Variants in ASB15 observed in about 807,000 individuals in gnomAD.
The protein encoded by ASB15 is ankyrin repeat and SOCS box protein 15.
ASB15 carries 54 observed loss-of-function variants against 58.0 expected under a neutral mutation model. The ratio of observed to expected loss-of-function variants is 0.93; its 90% CI spans 0.75 to 1.17. ASB15 has a LOEUF of 1.17. Ranked by LOEUF, ASB15 falls within the 50% of genes most tolerant of loss-of-function variation. The pLI is 0.00. For missense variants in ASB15, 680 were observed against 707.4 expected, an observed-to-expected ratio of 0.96 and a Z score of 0.44; for synonymous variants, 249 against 262.4, an observed-to-expected ratio of 0.95 and a Z score of 0.50.
intron 1 of ASB15, among the ~76,000 whole-genome samples, chr7:123,594,629 A>G (rs1799641861): frequency 6.6e-6 from 1 of 152,120 alleles, no homozygotes; most frequent in South Asian, 2.1e-4. Context: ...AACAGCAAAT[A>G]TTGCTGCCTG....
rs1004479994 is a variant in ASB15, at chr7:123,637,589, ACT to A, written c.*611_*612del. The A allele has an allele frequency of 2.0e-5, 3 of 151,920 alleles. No individual in the cohort carries two copies. Among genetic ancestry groups the A allele is most frequent in the Non-Finnish European group, 2.9e-5 (2 of 68,110 alleles). 9.4% of individuals were successfully genotyped at this position (151,920 alleles called of 1,614,324 possible). A position where few individuals can be genotyped will look rare whatever the true frequency, so the allele number is the denominator to read the frequency against. On this transcript the variant is annotated 3_prime_UTR_variant, in exon 12 of 12. Coordinates refer to ENST00000451215, the MANE Select transcript of ASB15 (RefSeq NM_001290258.2). ...TGGGTGTCCTCCCACCTCCCTGGAC[ACT>A]CTGTCTCTGGCTTCTTTCTGCCTAG...
chr7:123,628,809 A>G (rs983815698), intron 9 of ASB15, 55 bp from the exon 10 acceptor site: 1 of 1,238,332 alleles, frequency 8.1e-7, no homozygotes, highest in Non-Finnish European at 1.1e-6. Flanking sequence ...ACGGTAGTTT[A>G]TTTAATTTCT....
intron 7 of ASB15, chr7:123,620,232 G>C (rs1054411279): frequency 1.3e-5 from 2 of 151,844 alleles, no homozygotes; most frequent in Admixed American, 6.6e-5. Context: ...CCACACCTTG[G>C]GGCAACGGAG....
At chr7:123,609,899 C>G (rs1800349283) in intron 3 of ASB15, among the ~76,000 whole-genome samples, 1 of 152,134 alleles carries the variant, frequency 6.6e-6, no homozygotes, top group Non-Finnish European at 1.5e-5. Context: ...CATTACCAAC[C>G]TCCTCACCAT....
intron 1 of ASB15, among the ~76,000 whole-genome samples, chr7:123,577,504 G>A (rs1799098401): frequency 6.6e-6 from 1 of 152,072 alleles, no homozygotes; most frequent in African/African-American, 2.4e-5. Flanking sequence ...TTTTTATTCA[G>A]ATCGACTTTA....
At chr7:123,577,462 C>T (rs1799097265) in intron 1 of ASB15, among the ~76,000 whole-genome samples, 1 of 152,092 alleles carries the variant, frequency 6.6e-6, no homozygotes, top group Non-Finnish European at 1.5e-5. Context: ...CTGAACACAT[C>T]ACAATGACAT....
intron 1 of ASB15, among the ~76,000 whole-genome samples, chr7:123,581,699 T>C (rs1799238570): frequency 6.6e-6 from 1 of 151,932 alleles, no homozygotes; most frequent in Admixed American, 6.6e-5. Flanking sequence ...TACTAGATAG[T>C]AGGATTGTAA....
intron 1 of ASB15, among the ~76,000 whole-genome samples, chr7:123,581,612 A>T (rs767205926): frequency 6.6e-6 from 1 of 151,934 alleles, no homozygotes; most frequent in Non-Finnish European, 1.5e-5. Flanking sequence ...ACTGATATAC[A>T]TCAAATTGTG....
At chr7:123,582,864 T>A (rs935909604) in intron 1 of ASB15, among the ~76,000 whole-genome samples, 1 of 152,006 alleles carries the variant, frequency 6.6e-6, no homozygotes, top group Non-Finnish European at 1.5e-5. Flanking sequence ...GGCAAATAAA[T>A]GAATGCAGTA....
chr7:123,623,195 T>C (rs1234007274), intron 7 of ASB15: 1 of 152,230 alleles, frequency 6.6e-6, no homozygotes, highest in Non-Finnish European at 1.5e-5. Context: ...GAGCCTTTAG[T>C]GGAGCTAGCC....
chr7:123,614,333 G>A, intron 3 of ASB15, 168 bp from the exon 4 acceptor site: 2 of 541,012 alleles, frequency 3.7e-6, no homozygotes, highest in Non-Finnish European at 6.4e-6. Flanking sequence ...TAATAAAATG[G>A]ACCTCACAAG....
rs201240574 is a variant in ASB15, at chr7:123,623,931, A to AAAAGAAAGAAAG, written c.452-584_452-573dup. Reference sequence around the variant, plus strand: ...GGAAGGAAGGAAGGAAGAAAGAAAGAAAAGAAAGAAAGAAAGAAAGAAAGA... The same window carrying AAAAGAAAGAAAG: ...GGAAGGAAGGAAGGAAGAAAGAAAGAAAAGAAAGAAAGAAAGAAAGAAAGAAAGAAAGAAAGA... On this transcript the variant is annotated intron_variant, in intron 7 of 11. Coordinates refer to ENST00000451215, the MANE Select transcript of ASB15 (RefSeq NM_001290258.2). Among the ~76,000 whole-genome samples, 61 of 103,412 alleles carry AAAAGAAAGAAAG rather than the reference A, an allele frequency of 5.9e-4. 3 individuals are homozygous for AAAAGAAAGAAAG. The highest frequency in any genetic ancestry group is 1.0e-3 in the South Asian group (3 of 2,864). 67.8% of individuals were successfully genotyped at this position (103,412 alleles called of 152,430 possible). A position where few individuals can be genotyped will look rare whatever the true frequency, so the allele number is the denominator to read the frequency against.
At chr7:123,608,016 A>G (rs1031925790) in intron 2 of ASB15, among the ~76,000 whole-genome samples, 5 of 152,186 alleles carry the variant, frequency 3.3e-5, no homozygotes, top group Non-Finnish European at 4.4e-5. Flanking sequence ...GCTAACATGC[A>G]TCTTCCCACA....
rs530541975 is a variant in ASB15 at position 123,635,810 on chromosome 7, G to A, written c.1595-999G>A. On this transcript the variant is annotated intron_variant, in intron 11 of 11. Transcript: ENST00000451215. The stretch of plus-strand genomic sequence containing the variant: ...ATATTGGTTAGGAAAAAAAAAAATT[G>A]TCTATTTTTTAGATTTTTGTTTTGC... Among the ~76,000 whole-genome samples the A allele has an allele frequency of 2.8e-4, 43 of 151,726 alleles. No homozygotes were observed. In the Middle Eastern group the frequency reaches 0.01, roughly 36 times the overall value.
At chr7:123,611,407 G>A (rs1800449998) in intron 3 of ASB15, among the ~76,000 whole-genome samples, 1 of 152,080 alleles carries the variant, frequency 6.6e-6, no homozygotes, top group African/African-American at 2.4e-5. Flanking sequence ...CCATTCTCCT[G>A]CCTCAGTCTC....
chr7:123,633,870 A>C (rs1329102038), intron 11 of ASB15, among the ~76,000 whole-genome samples: 1 of 152,214 alleles, frequency 6.6e-6, no homozygotes, highest in Non-Finnish European at 1.5e-5. Flanking sequence ...AAAGCAAAGA[A>C]ACTCTGAAAG....
chr7:123,616,525 G>A, intron 6 of ASB15, 30 bp downstream of exon 6: 2 of 1,595,832 alleles, frequency 1.3e-6, no homozygotes, highest in Non-Finnish European at 1.7e-6. Context: ...GTTTGACCAA[G>A]CCAGAGCAAG....
chr7:123,607,838 T>C (rs941198029), intron 2 of ASB15, among the ~76,000 whole-genome samples: 6 of 152,176 alleles, frequency 3.9e-5, no homozygotes, highest in African/African-American at 1.2e-4. Context: ...TAAAAATCAT[T>C]ATATCACATT....
At chr7:123,632,349 AC>A (rs1278325639) in intron 11 of ASB15, among the ~76,000 whole-genome samples, 4 of 152,184 alleles carry the variant, frequency 2.6e-5, no homozygotes, top group Non-Finnish European at 5.9e-5. Flanking sequence ...AACTAGCAAC[AC>A]AGTTGACAAT....
Sources: allele counts gnomAD v4.1 joint callset (sites outside exome capture counted in the v4.1 genomes callset), GRCh38; gene constraint gnomAD v4.1.1; transcripts MANE v1.5; gene names NCBI Gene and HGNC (gene_info 2026-07-23, HGNC 2026-07-21).